TENM3: variants seen among roughly 807,000 people sequenced by gnomAD.
The protein encoded by TENM3 is teneurin transmembrane protein 3, also known as teneurin-3.
A neutral mutation model predicts 255.1 loss-of-function variants in TENM3; 63 were observed. The ratio of observed to expected loss-of-function variants is 0.25; its 90% CI spans 0.20 to 0.30. TENM3 has a LOEUF of 0.30. TENM3 is among the 10% of genes least tolerant of loss of function. The pLI, the probability that TENM3 is intolerant of heterozygous loss-of-function variation, is 1.00. For synonymous variants in TENM3, 1,306 were observed against 1,322.3 expected (o/e 0.99, Z 0.27); for missense variants, 2,929 against 3,461.1 (o/e 0.85, Z 3.86).
At chr4:182,408,977 G>A (rs915471631) in intron 3 of TENM3, among the ~76,000 whole-genome samples, 27 of 152,234 alleles carry the variant, frequency 1.8e-4, no homozygotes, top group Non-Finnish European at 3.7e-4. Flanking sequence ...CAGATAACGA[G>A]GACCAGTCAG....
chr4:182,304,466 C>A (rs1343118568), intron 1 of TENM3, among the ~76,000 whole-genome samples: 1 of 152,140 alleles, frequency 6.6e-6, no homozygotes, highest in African/African-American at 2.4e-5. Context: ...CCCGCCTCGG[C>A]CTCCCTAAGT....
At chr4:182,592,960 A>G (rs774427035) in intron 3 of TENM3, among the ~76,000 whole-genome samples, 2 of 152,364 alleles carry the variant, frequency 1.3e-5, no homozygotes, top group South Asian at 4.1e-4. Context: ...ATGTTCGTCA[A>G]GTTCAACAAT....
the TENM3 span, among the ~76,000 whole-genome samples, chr4:181,815,923 A>G: frequency 6.6e-6 from 1 of 152,182 alleles, no homozygotes; most frequent in African/African-American, 2.4e-5. Context: ...TTGCTATTGG[A>G]ATGAAAGAGC....
intron 22 of TENM3, among the ~76,000 whole-genome samples, chr4:182,771,922 C>T (rs767946350): frequency 6.6e-6 from 1 of 152,180 alleles, no homozygotes; most frequent in South Asian, 2.1e-4. Flanking sequence ...GCTTCTCCCT[C>T]CTGAGTGCCC....
At chr4:182,422,980 T>C (rs932322274) in intron 3 of TENM3, among the ~76,000 whole-genome samples, 10 of 152,194 alleles carry the variant, frequency 6.6e-5, no homozygotes, top group Admixed American at 6.5e-4. Flanking sequence ...TTCCTAACCT[T>C]GAAATGACAC....
chr4:182,795,645 T>C (rs1280371281), intron 26 of TENM3, among the ~76,000 whole-genome samples: 3 of 152,200 alleles, frequency 2.0e-5, no homozygotes, highest in African/African-American at 7.2e-5. Flanking sequence ...GACAGGCAGT[T>C]TACCACTGGT....
the TENM3 span, among the ~76,000 whole-genome samples, chr4:181,501,609 G>A: frequency 9.9e-5 from 15 of 151,874 alleles, 1 homozygote; most frequent in Non-Finnish European, 1.9e-4. Context: ...CGAATTCCTG[G>A]CCTCGTAATC....
chr4:182,473,721 C>T (rs771427860), intron 3 of TENM3, among the ~76,000 whole-genome samples: 44 of 151,872 alleles, frequency 2.9e-4, no homozygotes, highest in South Asian at 6.3e-4. Context: ...ACTGTGGCTC[C>T]GCAATTTTGG....
At chr4:182,152,099 G>C (rs570108380) in intron 1 of TENM3, among the ~76,000 whole-genome samples, 1 of 151,896 alleles carries the variant, frequency 6.6e-6, no homozygotes, top group African/African-American at 2.4e-5. Flanking sequence ...AATTAGAAAA[G>C]CTCTTGAAAA....
the TENM3 span, among the ~76,000 whole-genome samples, chr4:181,598,006 C>T: frequency 6.6e-6 from 1 of 152,154 alleles, no homozygotes; most frequent in Admixed American, 6.5e-5. Context: ...CTGCAGGCTT[C>T]TGGCAGATGT....
At chr4:181,758,800 TCTGTTTCCTC>T in the TENM3 span, among the ~76,000 whole-genome samples, 1 of 152,188 alleles carries the variant, frequency 6.6e-6, no homozygotes, top group African/African-American at 2.4e-5. Flanking sequence ...CACATGTAGT[TCTGTTTCCTC>T]CTGTTTTCAG....
the TENM3 span, among the ~76,000 whole-genome samples, chr4:181,624,750 G>T: frequency 6.6e-6 from 1 of 152,148 alleles, no homozygotes; most frequent in Non-Finnish European, 1.5e-5. Context: ...CAATTGACTT[G>T]CCCACAGTTC....
chr4:182,727,255 A>G (rs1760277637), intron 13 of TENM3, among the ~76,000 whole-genome samples: 1 of 152,128 alleles, frequency 6.6e-6, no homozygotes, highest in Admixed American at 6.5e-5. Flanking sequence ...CTGGAGTTCG[A>G]GATGAGCCTG....
the TENM3 span, among the ~76,000 whole-genome samples, chr4:181,534,533 T>C: frequency 6.6e-6 from 1 of 151,948 alleles, no homozygotes; most frequent in African/African-American, 2.4e-5. Context: ...TGTTCCTGAA[T>C]GTGCTTTCCT....
chr4:182,522,582 A>C (rs933773310), intron 3 of TENM3, among the ~76,000 whole-genome samples: 5 of 152,096 alleles, frequency 3.3e-5, no homozygotes, highest in African/African-American at 1.2e-4. Flanking sequence ...TTTTTAAAAA[A>C]TTTATTTGTT....
the TENM3 span, among the ~76,000 whole-genome samples, chr4:181,733,373 T>C: frequency 4.6e-5 from 7 of 152,224 alleles, no homozygotes; most frequent in Non-Finnish European, 7.3e-5. Flanking sequence ...AGTTTGTATA[T>C]CTTTATAATC....
At chr4:181,604,433 A>G in the TENM3 span, among the ~76,000 whole-genome samples, 36 of 152,310 alleles carry the variant, frequency 2.4e-4, no homozygotes, top group East Asian at 7.0e-3. Flanking sequence ...TTCAAAATAC[A>G]AATGATCTCC....
At chr4:181,859,801 G>A in the TENM3 span, among the ~76,000 whole-genome samples, 1 of 151,884 alleles carries the variant, frequency 6.6e-6, no homozygotes, top group Non-Finnish European at 1.5e-5. Context: ...AATACTACTT[G>A]TGTGATATCT....
intron 4 of TENM3, among the ~76,000 whole-genome samples, chr4:182,608,728 T>C (rs988135756): frequency 6.6e-6 from 1 of 152,160 alleles, no homozygotes. Context: ...GACCCAGCAC[T>C]GGCTTTGCTG....
Sources: gnomAD v4.1 joint callset for allele counts (sites outside exome capture counted in the v4.1 genomes callset) on GRCh38, gnomAD v4.1.1 for gene constraint, MANE v1.5 for transcripts, NCBI Gene and HGNC (gene_info 2026-07-23, HGNC 2026-07-21) for gene names.